Variants in STIM2 observed in about 807,000 individuals in gnomAD.
The protein encoded by STIM2 is stromal interaction molecule 2.
Under a neutral mutation model 85.8 loss-of-function variants are expected in STIM2, and 31 were observed. That is an observed-to-expected ratio of 0.36 (90% CI 0.27 to 0.49). STIM2 has a LOEUF of 0.49. STIM2 is among the 20% of genes least tolerant of loss of function. The pLI, the probability that STIM2 is intolerant of heterozygous loss-of-function variation, is 0.98. For synonymous variants in STIM2, 356 were observed against 331.1 expected (o/e 1.08, Z -0.82); for missense variants, 841 against 927.6 (o/e 0.91, Z 1.21).
intron 1 of STIM2, chr4:26,881,440 T>A (rs1723010827): frequency 7.0e-6 from 1 of 143,298 alleles, no homozygotes; most frequent in Non-Finnish European, 1.5e-5. Context: ...CACTCTAGCC[T>A]GGGCAACACA....
At chr4:26,893,996 C>T (rs1425773224) in intron 1 of STIM2, among the ~76,000 whole-genome samples, 1 of 152,108 alleles carries the variant, frequency 6.6e-6, no homozygotes, top group East Asian at 1.9e-4. Context: ...TCAAGCGATT[C>T]TCCTTCCTCA....
At chr4:26,929,303 A>G (rs535545582) in intron 2 of STIM2, among the ~76,000 whole-genome samples, 45 of 152,288 alleles carry the variant, frequency 3.0e-4, no homozygotes, top group African/African-American at 9.9e-4. Context: ...GTATGCTTTA[A>G]AGGATGAATT....
intron 3 of STIM2, among the ~76,000 whole-genome samples, chr4:26,989,651 A>G (rs191851421): frequency 6.6e-6 from 1 of 152,344 alleles, no homozygotes; most frequent in Non-Finnish European, 1.5e-5. Context: ...AAGGCATTCA[A>G]ATTGAAAGGG....
intron 11 of STIM2, chr4:27,021,485 A>G (rs1728910285): frequency 4.4e-6 from 2 of 456,650 alleles, no homozygotes; most frequent in South Asian, 3.1e-5. Context: ...CGAGGTTGGC[A>G]TGTTACAGGA....
At chr4:26,919,926 A>G (rs1304537085) in intron 2 of STIM2, among the ~76,000 whole-genome samples, 1 of 152,062 alleles carries the variant, frequency 6.6e-6, no homozygotes, top group African/African-American at 2.4e-5. Context: ...TTGTTGCTTT[A>G]CAAACCACTC....
At chr4:26,919,471 G>A in intron 1 of STIM2, 33 bp from the exon 2 acceptor site, 1 of 1,610,800 alleles carries the variant, frequency 6.2e-7, no homozygotes, top group Non-Finnish European at 8.5e-7. Flanking sequence ...TTTTGGTATG[G>A]CAAGTTAGTA....
chr4:26,939,298 G>A (rs548273707), intron 2 of STIM2, among the ~76,000 whole-genome samples: 9 of 151,972 alleles, frequency 5.9e-5, no homozygotes, highest in Non-Finnish European at 1.2e-4. Context: ...TTGGCTGGAG[G>A]ATTCACCTTG....
chr4:26,907,954 A>G (rs913241284), intron 1 of STIM2, among the ~76,000 whole-genome samples: 2 of 152,176 alleles, frequency 1.3e-5, no homozygotes, highest in Non-Finnish European at 2.9e-5. Flanking sequence ...TAAATCTGTT[A>G]GCTTGGAACA....
rs775973943 is a variant in STIM2, at chr4:26,957,513, A to G, written c.283-99A>G. Reference sequence around the variant, plus strand: ...CCAAAAATTTGCCAGTTACTGTTTGAAAATAGTCACCCACTGGATATCAGA... The same window carrying G: ...CCAAAAATTTGCCAGTTACTGTTTGGAAATAGTCACCCACTGGATATCAGA... On this transcript the variant is annotated intron_variant, in intron 2 of 11. Transcript: ENST00000467087. 9.1e-6 allele frequency: 6 copies of G among 658,566 alleles called. No homozygotes were observed. In the East Asian group the frequency reaches 1.3e-4, roughly 14 times the overall value. 40.8% of individuals were successfully genotyped at this position (658,566 alleles called of 1,614,324 possible).
At chr4:26,936,053 TA>T (rs1200582286) in intron 2 of STIM2, among the ~76,000 whole-genome samples, 2 of 152,202 alleles carry the variant, frequency 1.3e-5, no homozygotes, top group Non-Finnish European at 2.9e-5. Flanking sequence ...TTGTCTTTTT[TA>T]TGTGGGGGAG....
At chr4:26,970,406 CCT>C (rs1726903373) in intron 3 of STIM2, among the ~76,000 whole-genome samples, 1 of 151,918 alleles carries the variant, frequency 6.6e-6, no homozygotes, top group African/African-American at 2.4e-5. Context: ...CCCCCTACCC[CCT>C]CACAGGCCCC....
In STIM2 at chr4:27,022,954, G is replaced by T. The variant is rs570017447; in HGVS notation, c.2199G>T (p.Lys733Asn). ...GTCATAATGGAGAGAAAAGCAAAAA[G>T]CCATCAAAAATCAAAAGCCTTTTTA... The change falls in exon 12 of 12, where the codon AAG becomes AAT. Residue 733 changes from lysine to asparagine, a missense_variant. By Grantham distance (94) the Lys-to-Asn change is moderately conservative. Transcript: ENST00000467087. 5 of 1,613,674 alleles carry T rather than the reference G, an allele frequency of 3.1e-6. No homozygotes were observed. The highest frequency in any genetic ancestry group is 4.2e-6 in the Non-Finnish European group (5 of 1,179,962).
chr4:26,904,009 G>A (rs140786368), intron 1 of STIM2, among the ~76,000 whole-genome samples: 3 of 151,390 alleles, frequency 2.0e-5, no homozygotes, highest in South Asian at 2.1e-4. Context: ...GGTTAGTTAC[G>A]TATGTATACC....
At chr4:26,927,699 A>C (rs866680793) in intron 2 of STIM2, among the ~76,000 whole-genome samples, 1 of 128,964 alleles carries the variant, frequency 7.8e-6, no homozygotes, top group Admixed American at 7.7e-5. Flanking sequence ...AAAAAAAAAA[A>C]AAAAAAAACT....
intron 10 of STIM2, among the ~76,000 whole-genome samples, chr4:27,009,465 G>A (rs1728489494): frequency 6.6e-6 from 1 of 152,122 alleles, no homozygotes; most frequent in African/African-American, 2.4e-5. Flanking sequence ...TCAAATGGCC[G>A]CTTAATGTAT....
intron 2 of STIM2, among the ~76,000 whole-genome samples, chr4:26,949,452 T>A (rs1361752418): frequency 6.6e-6 from 1 of 152,212 alleles, no homozygotes; most frequent in Non-Finnish European, 1.5e-5. Context: ...ATCATTAAAA[T>A]TATAAGTACT....
Position 26,957,707 on chromosome 4 carries a change from A to G in STIM2, c.378A>G (p.Lys126=), listed in dbSNP as rs751532348. 2 of 1,598,930 alleles carry G rather than the reference A, an allele frequency of 1.3e-6. No homozygotes were observed. The highest frequency in any genetic ancestry group is 1.7e-6 in the Non-Finnish European group (2 of 1,174,254). Residue 126 remains lysine (K), a synonymous_variant, in exon 3 of 12, where the codon AAA becomes AAG. Transcript: ENST00000467087. ...ATATAACGATTGAGGATTTATGGAAACGATGGAAAACATCAGAAGGTAAGA... is the reference window on the plus strand; with the variant it reads ...ATATAACGATTGAGGATTTATGGAAGCGATGGAAAACATCAGAAGGTAAGA...
chr4:26,945,033 T>G (rs1025764239), intron 2 of STIM2, among the ~76,000 whole-genome samples: 2 of 152,150 alleles, frequency 1.3e-5, no homozygotes, highest in Non-Finnish European at 2.9e-5. Context: ...TACAGATTAT[T>G]TCATCACCCA....
chr4:26,902,258 A>T (rs1225992354), intron 1 of STIM2, among the ~76,000 whole-genome samples: 2 of 152,066 alleles, frequency 1.3e-5, no homozygotes, highest in Non-Finnish European at 2.9e-5. Context: ...AGAGGAGGGA[A>T]CTGGCTTTGA....
Sources: allele counts gnomAD v4.1 joint callset (sites outside exome capture counted in the v4.1 genomes callset), GRCh38; gene constraint gnomAD v4.1.1; transcripts MANE v1.5; gene names NCBI Gene and HGNC (gene_info 2026-07-23, HGNC 2026-07-21).